Variants in CD99 observed in about 807,000 individuals in gnomAD.
CD99 encodes the protein CD99 molecule (Xg blood group), also known as CD99 antigen.
A neutral mutation model predicts 28.4 loss-of-function variants in CD99; 19 were observed. The ratio of observed to expected loss-of-function variants is 0.67; its 90% CI spans 0.47 to 0.98. The LOEUF (loss-of-function observed/expected upper bound fraction) is 0.98. Among genes scored for constraint, CD99 ranks in the 50% least tolerant of loss-of-function variants. CD99 has a pLI of 0.00. For synonymous variants in CD99, 103 were observed against 92.1 expected, an observed-to-expected ratio of 1.12 and a Z score of -0.67; for missense variants, 283 against 248.8, an observed-to-expected ratio of 1.14 and a Z score of -0.92.
chrX:2,715,214 C>T (rs999442640), intron 2 of CD99: 2 of 151,756 alleles, frequency 1.3e-5, no homozygotes, highest in Admixed American at 6.6e-5. Context: ...ATCACTCTAT[C>T]AGCTTCTGGG....
At chrX:2,713,532 A>G (rs990253882) in intron 1 of CD99, among the ~76,000 whole-genome samples, 1 of 152,116 alleles carries the variant, frequency 6.6e-6, no homozygotes, top group South Asian at 2.1e-4. Flanking sequence ...CCAAATATAC[A>G]TGCACACTCA....
At chrX:2,735,367 T>C (rs916362746) in intron 8 of CD99, among the ~76,000 whole-genome samples, 3 of 152,196 alleles carry the variant, frequency 2.0e-5, no homozygotes, top group African/African-American at 7.2e-5. Context: ...GTGGCATGCT[T>C]GGTCTAAGTT....
intron 1 of CD99, among the ~76,000 whole-genome samples, chrX:2,700,654 T>G (rs1011645011): frequency 1.7e-4 from 25 of 150,440 alleles, no homozygotes; most frequent in African/African-American, 5.4e-4. Flanking sequence ...CATTCATCTT[T>G]CCATCCATGC....
At chrX:2,702,037 C>G (rs1449608258) in intron 1 of CD99, among the ~76,000 whole-genome samples, 1 of 151,942 alleles carries the variant, frequency 6.6e-6, no homozygotes, top group Non-Finnish European at 1.5e-5. Flanking sequence ...TTAGGAAAAC[C>G]CCACAGATGT....
At chrX:2,728,793 G>A (rs1466148039) in intron 8 of CD99, among the ~76,000 whole-genome samples, 1 of 150,602 alleles carries the variant, frequency 6.6e-6, no homozygotes, top group Non-Finnish European at 1.5e-5. Flanking sequence ...TGCCAGGACA[G>A]GATGCGTAAT....
chrX:2,720,406 A>G lies in CD99; in HGVS notation c.244A>G (p.Asn82Asp), dbSNP rs750443004. The G allele has an allele frequency of 3.7e-5, 60 of 1,613,614 alleles. No homozygotes were observed. In the South Asian group the frequency reaches 5.7e-4, roughly 15 times the overall value. ...CAAACCGATGCCAAATCCAAACCCC[A>G]ACCACCCTAGTTCCTCCGGTAAGAG... ...PPKPMPNPNP[N>D]HPSSSGSFSD... The change falls in exon 5 of 10, where the codon AAC (asparagine) becomes GAC (aspartate). Residue 82 changes from asparagine to aspartate, a missense_variant. Physicochemically the swap from Asn to Asp is conservative, Grantham distance 23 (BLOSUM62 1). Coordinates refer to ENST00000381192, the MANE Select transcript of CD99 (RefSeq NM_002414.5).
At chrX:2,694,279 G>GT (rs779912180) in intron 1 of CD99, among the ~76,000 whole-genome samples, 11,859 of 140,986 alleles carry the variant, frequency 0.084, 853 homozygotes, top group African/African-American at 0.2. Flanking sequence ...GGGCTTCGTT[G>GT]TTTTTTTTTT....
chrX:2,709,072 T>G (rs1374639553), intron 1 of CD99, among the ~76,000 whole-genome samples: 2 of 152,106 alleles, frequency 1.3e-5, no homozygotes, highest in South Asian at 2.1e-4. Flanking sequence ...GGAAGTCATG[T>G]GGAGGAAAAG....
intron 1 of CD99, among the ~76,000 whole-genome samples, chrX:2,704,983 G>C (rs1569429343): frequency 6.6e-6 from 1 of 152,322 alleles, no homozygotes; most frequent in East Asian, 1.9e-4. Context: ...CCAAAGTGTT[G>C]GGATTATAGG....
chrX:2,714,613 C>A, intron 2 of CD99, 159 bp downstream of exon 2: 1 of 598,688 alleles, frequency 1.7e-6, no homozygotes, highest in Non-Finnish European at 3.0e-6. Context: ...GTTATGTTTA[C>A]TCTCAACTGT....
chrX:2,714,674 T>G, intron 2 of CD99: 1 of 419,340 alleles, frequency 2.4e-6, no homozygotes, highest in Non-Finnish European at 4.3e-6. Flanking sequence ...ATACTCCAAT[T>G]GAAAATACCT....
intron 8 of CD99, among the ~76,000 whole-genome samples, chrX:2,732,981 G>A (rs1467248561): frequency 8.4e-6 from 1 of 118,416 alleles, no homozygotes; most frequent in African/African-American, 3.3e-5. Flanking sequence ...CTTCCTCCCT[G>A]CTTCACTTCT....
rs754466856 is a variant in CD99 at position 2,705,631 on chromosome X, C to T, written c.68-8791C>T. ...CTTATTCAGAATGGGCTCCTTTAGT[C>T]GTTTTCAAATATTCAAGCCATTGTT... On this transcript the variant is annotated intron_variant, in intron 1 of 9. Transcript: ENST00000381192. 5.3e-5 allele frequency among the ~76,000 whole-genome samples: 8 copies of T among 152,138 alleles called. No homozygotes were observed. In the East Asian group the frequency reaches 1.5e-3, roughly 29 times the overall value.
intron 1 of CD99, among the ~76,000 whole-genome samples, chrX:2,703,097 GCTT>G (rs1569428072): frequency 1.3e-5 from 2 of 152,126 alleles, no homozygotes; most frequent in African/African-American, 4.8e-5. Flanking sequence ...CCAGAATTGA[GCTT>G]CTCAATAGCA....
At chrX:2,722,721 T>A in intron 6 of CD99, 47 bp downstream of exon 6, 1 of 1,550,424 alleles carries the variant, frequency 6.4e-7, no homozygotes, top group Non-Finnish European at 8.9e-7. Context: ...CATCCCATGA[T>A]GCCCACCTGC....
chrX:2,701,584 G>A (rs1472877409), intron 1 of CD99, among the ~76,000 whole-genome samples: 3 of 91,586 alleles, frequency 3.3e-5, no homozygotes, highest in African/African-American at 1.5e-4. Context: ...GAAGAGGAAG[G>A]GCCTCTTCTC....
At chrX:2,701,230 TCCACCCACCCATTTAC>T (rs1344144803) in intron 1 of CD99, among the ~76,000 whole-genome samples, 2 of 151,442 alleles carry the variant, frequency 1.3e-5, no homozygotes, top group Non-Finnish European at 2.9e-5. Flanking sequence ...CATCCATCCA[TCCACCCACCCATTTAC>T]CCACCCACCC....
chrX:2,704,464 C>T (rs1215759697), intron 1 of CD99, among the ~76,000 whole-genome samples: 1 of 151,984 alleles, frequency 6.6e-6, no homozygotes, highest in Non-Finnish European at 1.5e-5. Flanking sequence ...GACAAAGTCT[C>T]ATTCTATCAC....
At chrX:2,735,935 G>A (rs1461331368) in intron 8 of CD99, among the ~76,000 whole-genome samples, 2 of 151,984 alleles carry the variant, frequency 1.3e-5, no homozygotes, top group Non-Finnish European at 2.9e-5. Flanking sequence ...TGGCACGGTG[G>A]TTCACACCTG....
Sources: gnomAD v4.1 joint callset for allele counts (sites outside exome capture counted in the v4.1 genomes callset) on GRCh38, gnomAD v4.1.1 for gene constraint, MANE v1.5 for transcripts, NCBI Gene and HGNC (gene_info 2026-07-23, HGNC 2026-07-21) for gene names.